Variants in PAPLN observed in about 807,000 individuals in gnomAD.
PAPLN encodes papilin.
A neutral mutation model predicts 159.0 loss-of-function variants in PAPLN; 146 were observed. The ratio of observed to expected loss-of-function variants is 0.92; its 90% CI spans 0.80 to 1.05. The LOEUF is 1.05. PAPLN is among the 50% of genes least tolerant of loss of function. The pLI is 0.00. For synonymous variants in PAPLN, 734 were observed against 702.9 expected, an observed-to-expected ratio of 1.04 and a Z score of -0.70; for missense variants, 1,720 against 1,743.9, an observed-to-expected ratio of 0.99 and a Z score of 0.24.
In PAPLN at chr14:73,270,651, T is replaced by C. The variant is rs910994833; in HGVS notation, c.3668-1844T>C. Among the ~76,000 whole-genome samples, 3 of 152,204 alleles carry C rather than the reference T, an allele frequency of 2.0e-5. 1 individual carries two copies. Among genetic ancestry groups the C allele is most frequent in the Non-Finnish European group, 2.9e-5 (2 of 68,044 alleles). On this transcript the variant is annotated intron_variant, in intron 26 of 26. Coordinates refer to ENST00000644200, the MANE Select transcript of PAPLN (RefSeq NM_001365906.3). The stretch of plus-strand genomic sequence containing the variant: ...AAATGCAGATTCACAGTGAGAGAAC[T>C]GTCAAGAGGACCTAGACATTATGTT...
At chr14:73,252,526 G>A in intron 10 of PAPLN, 123 bp from the exon 11 acceptor site, 1 of 1,308,058 alleles carries the variant, frequency 7.6e-7, no homozygotes, top group East Asian at 2.6e-5. Flanking sequence ...CCTGCCTCGG[G>A]GGGGTCATCT....
rs117892919 is a variant in PAPLN at position 73,256,016 on chromosome 14, G to A, written c.1627+998G>A. 1.4e-4 allele frequency among the ~76,000 whole-genome samples: 22 copies of A among 152,338 alleles called. No individual in the cohort carries two copies. The East Asian group carries it at 4.2e-3, about 29-fold the overall frequency. On this transcript the variant is annotated intron_variant, in intron 14 of 26. Coordinates refer to ENST00000644200, the MANE Select transcript of PAPLN (RefSeq NM_001365906.3). Reference sequence around the variant, plus strand: ...GGGGTGCTTGCTAGCTAAGCAGAGGGTGGAAGGGGTGGTGGTGAGGCCTTG... The same window carrying A: ...GGGGTGCTTGCTAGCTAAGCAGAGGATGGAAGGGGTGGTGGTGAGGCCTTG...
At position 73,250,037 on chromosome 14, in the gene PAPLN, A is replaced by C; in HGVS notation, c.388A>C (p.Lys130Gln). The C allele has an allele frequency of 6.2e-7, 1 of 1,613,170 alleles. No homozygotes were observed. Among genetic ancestry groups the C allele is most frequent in the Non-Finnish European group, 8.5e-7 (1 of 1,179,602 alleles). ...CIPKGENFYYKHREAVVDGTP... is the reference protein window; with the variant it reads ...CIPKGENFYYQHREAVVDGTP... The stretch of plus-strand genomic sequence containing the variant: ...TCCCAAGGGGGAGAACTTCTACTAC[A>C]AGCACAGGGAGGCTGTGGTTGATGG... The change falls in exon 6 of 27, where the codon AAG (lysine) becomes CAG (glutamine). Residue 130 changes from lysine (K) to glutamine (Q), a missense_variant. Physicochemically the swap from Lys to Gln is moderately conservative, Grantham distance 53. Coordinates refer to ENST00000644200, the MANE Select transcript of PAPLN (RefSeq NM_001365906.3).
chr14:73,250,953 AGTGTCTGCG>A lies in PAPLN; in HGVS notation c.517_525del (p.Leu173_Cys175del). On this transcript the variant is annotated inframe_deletion, in exon 7 of 27. Coordinates refer to ENST00000644200, the MANE Select transcript of PAPLN (RefSeq NM_001365906.3). ...CTGGACTCGTCCAAGCAGGAGGACA[AGTGTCTGCG>A]GTGTGGGGGTGACGGCACGACCTGC... is the stretch of plus-strand genomic sequence containing the variant. 1 of 1,613,776 alleles carries A rather than the reference AGTGTCTGCG, an allele frequency of 6.2e-7. No homozygotes were observed. Among genetic ancestry groups the A allele is most frequent in the Non-Finnish European group, 8.5e-7 (1 of 1,179,934 alleles).
intron 11 of PAPLN, chr14:73,253,372 G>A (rs1885523347): frequency 8.1e-6 from 6 of 739,634 alleles, no homozygotes; most frequent in African/African-American, 1.8e-5. Context: ...CCTTGCACCC[G>A]GGGCCTGGCA....
intron 23 of PAPLN, among the ~76,000 whole-genome samples, chr14:73,266,199 G>A (rs1311094550): frequency 6.6e-6 from 1 of 152,148 alleles, no homozygotes; most frequent in African/African-American, 2.4e-5. Context: ...ATAGCCAGGC[G>A]TGGTGGCACA....
rs1884140673 is a variant in PAPLN at position 73,245,582 on chromosome 14, G to A, written c.171-54G>A. ...TGGGGCCTGCAGAGAGCCCCAGAAC[G>A]GGGGCAGGGACGTTGGGTCTCGGTC... is the stretch of plus-strand genomic sequence containing the variant. On this transcript the variant is annotated intron_variant, in intron 3 of 26. Transcript: ENST00000644200. This position sits in a 1 kb window ranked among gnomAD's most constrained non-coding sequence, Gnocchi z 4.2. 6 of 1,528,058 alleles carry A rather than the reference G, an allele frequency of 3.9e-6. No individual in the cohort carries two copies. Among genetic ancestry groups the A allele is most frequent in the Non-Finnish European group, 5.3e-6 (6 of 1,131,788 alleles). The allele number at this position is 1,528,058 out of a possible 1,614,324, so 94.7% of individuals were successfully genotyped here. A position where few individuals can be genotyped will look rare whatever the true frequency, so the allele number is the denominator to read the frequency against.
At chr14:73,269,893 G>A (rs1213168035) in intron 26 of PAPLN, among the ~76,000 whole-genome samples, 1 of 152,248 alleles carries the variant, frequency 6.6e-6, no homozygotes, top group African/African-American at 2.4e-5. Flanking sequence ...CTGCCAGGCT[G>A]AGGGTGGAGA....
In PAPLN at chr14:73,265,002, C is replaced by T. The variant is rs1209225556; in HGVS notation, c.3125+276C>T. ...GGCCTGAGCCGGCTTCTTTGAGGAG[C>T]GTCTTGAGCTGGCCTTGAGGAATGG... On this transcript the variant is annotated intron_variant, in intron 22 of 26. Coordinates refer to ENST00000644200, the MANE Select transcript of PAPLN (RefSeq NM_001365906.3). This position sits in a 1 kb window ranked among gnomAD's most constrained non-coding sequence, Gnocchi z 4.1. Among the ~76,000 whole-genome samples the T allele has an allele frequency of 1.3e-5, 2 of 152,048 alleles. No individual in the cohort carries two copies. Among genetic ancestry groups the T allele is most frequent in the Admixed American group, 6.5e-5 (1 of 15,270 alleles).
chr14:73,265,587 CT>C lies in PAPLN; in HGVS notation c.3263+81del. 6.4e-7 allele frequency: 1 copy of C among 1,561,362 alleles called. No individual in the cohort carries two copies. The highest frequency in any genetic ancestry group is 1.2e-5 in the South Asian group (1 of 82,484). ...CTATGGAGGCCACCGGGGAAGGGAGCTGCTAGCGCATGGTCATGGCCAGTCC... is the reference window on the plus strand; with the variant it reads ...CTATGGAGGCCACCGGGGAAGGGAGCGCTAGCGCATGGTCATGGCCAGTCC... On this transcript the variant is annotated intron_variant, in intron 23 of 26. Coordinates refer to ENST00000644200, the MANE Select transcript of PAPLN (RefSeq NM_001365906.3). This position sits in a 1 kb window ranked among gnomAD's most constrained non-coding sequence, Gnocchi z 4.1.
chr14:73,254,444 C>T, intron 12 of PAPLN, 69 bp from the exon 13 acceptor site: 2 of 1,572,954 alleles, frequency 1.3e-6, no homozygotes, highest in East Asian at 4.5e-5. Flanking sequence ...TGGTGGGCCG[C>T]TAGCTGTCCG....
intron 5 of PAPLN, among the ~76,000 whole-genome samples, chr14:73,249,086 G>A (rs1253920326): frequency 6.6e-6 from 1 of 152,132 alleles, no homozygotes; most frequent in African/African-American, 2.4e-5. Flanking sequence ...AGCTTTGATC[G>A]TGCCTCTGCA....
intron 21 of PAPLN, 91 bp from the exon 22 acceptor site, chr14:73,264,497 T>G (rs1887006437): frequency 6.6e-7 from 1 of 1,524,162 alleles, no homozygotes; most frequent in Non-Finnish European, 8.8e-7. Context: ...CCCTCATTTC[T>G]CCGTAAGTCC....
At chr14:73,254,333 G>A (rs1885639997) in intron 12 of PAPLN, among the ~76,000 whole-genome samples, 180 bp from the exon 13 acceptor site, 1 of 152,214 alleles carries the variant, frequency 6.6e-6, no homozygotes, top group African/African-American at 2.4e-5. Flanking sequence ...TCTGTTGTCA[G>A]TAGCCATGGT....
intron 10 of PAPLN, 54 bp downstream of exon 10, chr14:73,252,195 C>T (rs1276304542): frequency 2.2e-5 from 34 of 1,513,946 alleles, no homozygotes; most frequent in Admixed American, 8.3e-5. Context: ...CTGGATCCCA[C>T]GGCCACAGGT....
At chr14:73,244,561 G>A (rs1475001631) in intron 2 of PAPLN, 83 bp from the exon 3 acceptor site, 1 of 1,218,678 alleles carries the variant, frequency 8.2e-7, no homozygotes, top group African/African-American at 1.5e-5. Flanking sequence ...GTAGGGGAGG[G>A]TTTTAGGCAG....
intron 6 of PAPLN, among the ~76,000 whole-genome samples, chr14:73,250,426 C>T (rs555813234): frequency 2.0e-5 from 3 of 152,236 alleles, no homozygotes; most frequent in East Asian, 1.9e-4. Flanking sequence ...AGGTGCCACT[C>T]GGCTTTCCTC....
rs987365066 is a variant in PAPLN, at chr14:73,265,807, C to T, written c.3263+300C>T. On this transcript the variant is annotated intron_variant, in intron 23 of 26. Transcript: ENST00000644200. This position sits in a 1 kb window ranked among gnomAD's most constrained non-coding sequence, Gnocchi z 4.1. ...TCCCAGCTATAACCATAATGGCTAC[C>T]CTTTACTGAGCAGGCACTGAGTATG... is the stretch of plus-strand genomic sequence containing the variant. Among the ~76,000 whole-genome samples, 4 of 152,290 alleles carry T rather than the reference C, an allele frequency of 2.6e-5. No individual in the cohort carries two copies. Among genetic ancestry groups the T allele is most frequent in the African/African-American group, 9.6e-5 (4 of 41,552 alleles).
intron 6 of PAPLN, 81 bp downstream of exon 6, chr14:73,250,195 G>A (rs1885084798): frequency 1.1e-5 from 16 of 1,440,322 alleles, no homozygotes; most frequent in South Asian, 2.9e-5. Flanking sequence ...TCACCCATAG[G>A]CCCAGGTAGC....
Sources: gnomAD v4.1 joint callset for allele counts (sites outside exome capture counted in the v4.1 genomes callset) on GRCh38, gnomAD v4.1.1 for gene constraint, Gnocchi (gnomAD v3.1) non-coding constraint, MANE v1.5 for transcripts, NCBI Gene and HGNC (gene_info 2026-07-23, HGNC 2026-07-21) for gene names.